Variants in ASXL2 observed in about 807,000 individuals in gnomAD.
ASXL2 encodes the protein ASXL transcriptional regulator 2.
A neutral mutation model predicts 122.0 loss-of-function variants in ASXL2; 23 were observed. The ratio of observed to expected loss-of-function variants is 0.19; its 90% CI spans 0.14 to 0.27. ASXL2 has a LOEUF of 0.27. Among genes scored for constraint, ASXL2 ranks in the 10% least tolerant of loss-of-function variants. The probability of loss-of-function intolerance (pLI) is 1.00; values close to 1 mark genes in which losing one functional copy is unlikely to be tolerated. For missense variants in ASXL2, 1,518 were observed against 1,713.8 expected (o/e 0.89, Z 2.02); for synonymous variants, 650 against 637.0 (o/e 1.02, Z -0.31).
intron 1 of ASXL2, among the ~76,000 whole-genome samples, chr2:25,851,160 AAAG>A (rs1324113307): frequency 5.7e-5 from 8 of 139,774 alleles, no homozygotes; most frequent in Admixed American, 2.1e-4. Flanking sequence ...AAAAAAAAAA[AAAG>A]AAAGAAAGAA....
At chr2:25,809,880 T>C (rs2089141031) in intron 3 of ASXL2, 2 of 494,946 alleles carry the variant, frequency 4.0e-6, no homozygotes, top group Non-Finnish European at 8.0e-6. Context: ...TCAGATGGAA[T>C]CAGGGTCAGA....
intron 9 of ASXL2, 58 bp downstream of exon 9, chr2:25,759,424 A>G: frequency 6.6e-7 from 1 of 1,518,512 alleles, no homozygotes; most frequent in Non-Finnish European, 9.0e-7. Flanking sequence ...CATTAATACC[A>G]CTTTACAAGT....
chr2:25,793,265 T>C (rs891680166), intron 5 of ASXL2, among the ~76,000 whole-genome samples: 1 of 152,024 alleles, frequency 6.6e-6, no homozygotes, highest in Non-Finnish European at 1.5e-5. Flanking sequence ...ACAAAACAAA[T>C]TTTGGAACTT....
At chr2:25,762,522 G>A (rs766772858) in intron 8 of ASXL2, among the ~76,000 whole-genome samples, 40 of 151,316 alleles carry the variant, frequency 2.6e-4, no homozygotes, top group Non-Finnish European at 3.2e-4. Flanking sequence ...AAAATTAGCC[G>A]GGCGTGGTGG....
chr2:25,786,762 G>C (rs1479289924), intron 5 of ASXL2, among the ~76,000 whole-genome samples: 2 of 152,080 alleles, frequency 1.3e-5, no homozygotes, highest in Non-Finnish European at 2.9e-5. Flanking sequence ...GCCAAGGCAT[G>C]AGAATTTGCT....
chr2:25,863,076 TC>T (rs2089858427), intron 1 of ASXL2, among the ~76,000 whole-genome samples: 1 of 152,002 alleles, frequency 6.6e-6, no homozygotes, highest in South Asian at 2.1e-4. Flanking sequence ...ACGCCTTTAA[TC>T]CCAGCACTCT....
chr2:25,742,241 T>C lies in ASXL2; in HGVS notation c.4096A>G (p.Thr1366Ala). Reference protein sequence around the residue: ...DVMSFSVTVTTIPASQAMNPS... With the variant: ...DVMSFSVTVTAIPASQAMNPS... ...TTCATAGCTTGGCTAGCAGGGATGGTAGTGACAGTCACTGAAAATGACATG... is the reference window on the plus strand; with the variant it reads ...TTCATAGCTTGGCTAGCAGGGATGGCAGTGACAGTCACTGAAAATGACATG... The change falls in exon 13 of 13, where the codon ACC becomes GCC. Residue 1366 changes from threonine to alanine, a missense_variant. Coordinates refer to ENST00000435504, the MANE Select transcript of ASXL2 (RefSeq NM_018263.6). 1 of 1,614,014 alleles carries C rather than the reference T, an allele frequency of 6.2e-7. No homozygotes were observed. Among genetic ancestry groups the C allele is most frequent in the Non-Finnish European group, 8.5e-7 (1 of 1,179,886 alleles).
At chr2:25,809,801 G>A in intron 3 of ASXL2, 4 of 427,588 alleles carry the variant, frequency 9.4e-6, no homozygotes, top group South Asian at 1.8e-5. Context: ...AAAGACACAG[G>A]GGAGGTGGGG....
chr2:25,849,076 TGGA>T (rs1553705449), intron 1 of ASXL2, among the ~76,000 whole-genome samples: 17 of 134,960 alleles, frequency 1.3e-4, no homozygotes, highest in East Asian at 5.0e-4. Context: ...TATATATATA[TGGA>T]ATATTTATTT....
intron 1 of ASXL2, chr2:25,857,110 G>GC (rs1437926698): frequency 3.1e-5 from 5 of 161,200 alleles, no homozygotes; most frequent in African/African-American, 1.3e-4. Flanking sequence ...GAGATGGGCA[G>GC]CTTTTCTCAA....
At chr2:25,859,668 A>G (rs2149199401) in intron 1 of ASXL2, among the ~76,000 whole-genome samples, 1 of 152,328 alleles carries the variant, frequency 6.6e-6, no homozygotes, top group East Asian at 1.9e-4. Flanking sequence ...AAGTAAACAG[A>G]CTTTTCTTAA....
At chr2:25,843,126 A>C (rs771099880) in intron 2 of ASXL2, among the ~76,000 whole-genome samples, 98 of 151,732 alleles carry the variant, frequency 6.5e-4, no homozygotes, top group Middle Eastern at 3.4e-3. Flanking sequence ...CGGTGAAACC[A>C]CGTCTCTAAT....
chr2:25,819,103 G>T (rs1241825730), intron 3 of ASXL2, among the ~76,000 whole-genome samples: 20 of 152,088 alleles, frequency 1.3e-4, no homozygotes, highest in South Asian at 2.1e-4. Context: ...CACAAGGATT[G>T]AATCTTTCCA....
intron 1 of ASXL2, among the ~76,000 whole-genome samples, chr2:25,860,205 G>A (rs1181208491): frequency 6.6e-5 from 10 of 152,092 alleles, no homozygotes; most frequent in Admixed American, 4.6e-4. Flanking sequence ...CAGCTACTCC[G>A]GAGGCTAAGG....
chr2:25,790,440 AG>A (rs1178280800), intron 5 of ASXL2, among the ~76,000 whole-genome samples: 1 of 151,390 alleles, frequency 6.6e-6, no homozygotes, highest in Non-Finnish European at 1.5e-5. Flanking sequence ...ACATAAAAAA[AG>A]GAAAAAAATT....
At chr2:25,848,822 G>A (rs2089681736) in intron 1 of ASXL2, among the ~76,000 whole-genome samples, 1 of 151,450 alleles carries the variant, frequency 6.6e-6, no homozygotes, top group South Asian at 2.1e-4. Context: ...AAGGCATGCA[G>A]ATCACCAGAA....
At chr2:25,822,493 T>C in intron 3 of ASXL2, 1 of 475,626 alleles carries the variant, frequency 2.1e-6, no homozygotes, top group Non-Finnish European at 3.9e-6. Context: ...TGCAAAGTGG[T>C]ACTATCGAAG....
chr2:25,748,772 C>T (rs1398280705), intron 12 of ASXL2, among the ~76,000 whole-genome samples: 1 of 152,122 alleles, frequency 6.6e-6, no homozygotes, highest in African/African-American at 2.4e-5. Context: ...TATTAATAAA[C>T]CTTTAAGATC....
intron 4 of ASXL2, among the ~76,000 whole-genome samples, chr2:25,800,675 T>C (rs2088985367): frequency 6.6e-6 from 1 of 152,156 alleles, no homozygotes; most frequent in South Asian, 2.1e-4. Flanking sequence ...CAAGACTTCC[T>C]GGCTTTACCC....
Sources: gnomAD v4.1 joint callset for allele counts (sites outside exome capture counted in the v4.1 genomes callset) on GRCh38, gnomAD v4.1.1 for gene constraint, MANE v1.5 for transcripts, NCBI Gene and HGNC (gene_info 2026-07-23, HGNC 2026-07-21) for gene names.